The following MAP4 variants were observed in gnomAD, a reference collection of about 807,000 sequenced individuals.
MAP4 encodes microtubule associated protein 4, also known as microtubule-associated protein 4.
A neutral mutation model predicts 170.2 loss-of-function variants in MAP4; 76 were observed. The ratio of observed to expected loss-of-function variants is 0.45; its 90% CI spans 0.37 to 0.54. MAP4 has a LOEUF of 0.54. Ranked by LOEUF, MAP4 falls within the 20% of genes least tolerant of loss-of-function variation. The pLI is 0.00. For synonymous variants in MAP4, 909 were observed against 994.5 expected, an observed-to-expected ratio of 0.91 and a Z score of 1.62; for missense variants, 2,506 against 2,748.0, an observed-to-expected ratio of 0.91 and a Z score of 1.97.
chr3:48,019,548 C>T (rs2100109549), upstream of MAP4, among the ~76,000 whole-genome samples: 1 of 152,034 alleles, frequency 6.6e-6, no homozygotes, highest in African/African-American at 2.4e-5. Context: ...AATATTCATA[C>T]TTGATCAGCT....
chr3:48,064,323 C>T (rs903143687), intron 1 of MAP4, among the ~76,000 whole-genome samples: 4 of 152,168 alleles, frequency 2.6e-5, no homozygotes, highest in African/African-American at 9.7e-5. Flanking sequence ...CTGATATAAA[C>T]TGGCCTATCT....
chr3:47,917,175 C>A lies in MAP4; in HGVS notation c.653-1G>T, dbSNP rs1369398937. On this transcript the variant is annotated splice_acceptor_variant, in intron 6 of 20. Transcript: ENST00000683076. LOFTEE classifies it high-confidence loss of function. ...ATCTCCTTGGCTAGCTCTAAGGGAACTAAATTGGAAATTTAGGACACATCA... is the reference window on the plus strand; with the variant it reads ...ATCTCCTTGGCTAGCTCTAAGGGAAATAAATTGGAAATTTAGGACACATCA... The A allele has an allele frequency of 3.1e-6, 5 of 1,608,644 alleles. No individual in the cohort carries two copies. The highest frequency in any genetic ancestry group is 4.2e-6 in the Non-Finnish European group (5 of 1,177,710).
chr3:48,062,109 G>A (rs1238875648), intron 1 of MAP4, among the ~76,000 whole-genome samples: 1 of 152,202 alleles, frequency 6.6e-6, no homozygotes, highest in African/African-American at 2.4e-5. Flanking sequence ...CTGTGTCTGT[G>A]TGGAGAGAAG....
chr3:47,922,013 T>C, intron 4 of MAP4, 135 bp from the exon 5 acceptor site: 2 of 561,252 alleles, frequency 3.6e-6, no homozygotes, highest in South Asian at 2.5e-5. Flanking sequence ...AGTGGTGCCA[T>C]CTTGGTTCAC....
intron 10 of MAP4, chr3:47,892,206 C>T: frequency 6.5e-7 from 1 of 1,536,390 alleles, no homozygotes; most frequent in Non-Finnish European, 8.7e-7. Flanking sequence ...TCTTGACAGT[C>T]CTTGTCCTGC....
Position 47,998,830 on chromosome 3 carries a change from T to C in MAP4, c.31A>G (p.Thr11Ala). 1 of 1,614,180 alleles carries C rather than the reference T, an allele frequency of 6.2e-7. No individual in the cohort carries two copies. Among genetic ancestry groups the C allele is most frequent in the South Asian group, 1.1e-5 (1 of 91,090 alleles). The change falls in exon 2 of 21, where the codon ACA (threonine) becomes GCA (alanine). Residue 11 changes from threonine to alanine, a missense_variant. Physicochemically the swap from Thr to Ala is moderately conservative, Grantham distance 58. Coordinates refer to ENST00000683076, the MANE Select transcript of MAP4 (RefSeq NM_001385682.1). MADLSLADAL[T>A]EPSPDIEGEI... ...CCCTCAATGTCTGGAGATGGTTCTG[T>C]TAATGCATCTGCAAGACTGAGGTCA...
At chr3:47,946,151 G>A (rs1263731631) in intron 3 of MAP4, among the ~76,000 whole-genome samples, 1 of 149,008 alleles carries the variant, frequency 6.7e-6, no homozygotes, top group African/African-American at 2.5e-5. Flanking sequence ...CACCATGTTA[G>A]CCAGGATGGT....
intron 1 of MAP4, among the ~76,000 whole-genome samples, chr3:48,061,768 C>T (rs1579701458): frequency 1.3e-5 from 2 of 150,688 alleles, no homozygotes; most frequent in South Asian, 4.2e-4. Flanking sequence ...CCCGCCCGGC[C>T]AGCCGCCCCG....
upstream of MAP4, among the ~76,000 whole-genome samples, chr3:48,016,774 A>C (rs1035894056): frequency 2.3e-5 from 3 of 131,880 alleles, no homozygotes; most frequent in African/African-American, 7.9e-5. Context: ...CACATTCTAA[A>C]GGCATTTTTT....
intron 10 of MAP4, among the ~76,000 whole-genome samples, chr3:47,883,762 GGCACTTGAAAAATGTTGT>G (rs1454178388): frequency 6.6e-6 from 1 of 151,072 alleles, no homozygotes; most frequent in Non-Finnish European, 1.5e-5. Context: ...CTTTTCTTTT[GGCACTTGAAAAATGTTGT>G]GCCACTTCTT....
intron 10 of MAP4, among the ~76,000 whole-genome samples, chr3:47,878,049 C>T (rs1433885157): frequency 2.0e-5 from 3 of 152,162 alleles, no homozygotes; most frequent in Non-Finnish European, 4.4e-5. Context: ...GCCAAGGAGA[C>T]CCATGGAACC....
chr3:48,022,282 T>G (rs1257528522), intron 1 of MAP4, among the ~76,000 whole-genome samples: 1 of 151,242 alleles, frequency 6.6e-6, no homozygotes, highest in Admixed American at 6.6e-5. Flanking sequence ...ATGGAGAGAG[T>G]AGAGAGACAG....
At chr3:47,994,322 A>T (rs1301187736) in intron 2 of MAP4, among the ~76,000 whole-genome samples, 1 of 152,218 alleles carries the variant, frequency 6.6e-6, no homozygotes, top group Non-Finnish European at 1.5e-5. Context: ...ACTGACTAAC[A>T]TAAACAAAGA....
At chr3:47,973,671 T>TA (rs1333735114) in intron 3 of MAP4, 1 of 985,246 alleles carries the variant, frequency 1.0e-6, no homozygotes, top group Non-Finnish European at 1.2e-6. Flanking sequence ...CGGAAAGTCA[T>TA]ACCCAGGCTT....
chr3:48,048,221 C>T (rs894610815), intron 1 of MAP4, among the ~76,000 whole-genome samples: 3 of 152,196 alleles, frequency 2.0e-5, no homozygotes, highest in Non-Finnish European at 4.4e-5. Flanking sequence ...AGAGCTCCTC[C>T]TGATGCTGTA....
chr3:47,871,019 C>T lies in MAP4; in HGVS notation c.6088G>A (p.Val2030Ile). 1 of 1,614,028 alleles carries T rather than the reference C, an allele frequency of 6.2e-7. No homozygotes were observed. ...GGTGTGGCCTTGACTCGGCTGGGAA[C>T]CACCCCTGCAGCGGGGGCTGTCCCA... ...LSGTAPAAGV[V>I]PSRVKATPMP... Residue 2030 changes from valine (V) to isoleucine (I), a missense_variant, in exon 15 of 21, where the codon GTT becomes ATT. Coordinates refer to ENST00000683076, the MANE Select transcript of MAP4 (RefSeq NM_001385682.1).
chr3:48,056,667 G>T (rs2100131944), intron 1 of MAP4, among the ~76,000 whole-genome samples: 1 of 124,184 alleles, frequency 8.1e-6, no homozygotes, highest in African/African-American at 3.6e-5. Context: ...AGGGAGGTGG[G>T]GGGGTCAGCC....
At chr3:47,937,647 T>TTTC (rs1400745946) in intron 3 of MAP4, among the ~76,000 whole-genome samples, 15 of 147,748 alleles carry the variant, frequency 1.0e-4, no homozygotes, top group Non-Finnish European at 1.6e-4. Context: ...GCTTTTCCTT[T>TTTC]TTCTTCTTCT....
chr3:47,908,212 T>C (rs562349805), intron 9 of MAP4, among the ~76,000 whole-genome samples: 158 of 150,504 alleles, frequency 1.0e-3, no homozygotes, highest in Non-Finnish European at 1.8e-3. Flanking sequence ...TTTTGGGGAA[T>C]TGGGGGTGGG....
Sources: gnomAD v4.1 joint callset for allele counts (sites outside exome capture counted in the v4.1 genomes callset) on GRCh38, gnomAD v4.1.1 for gene constraint, MANE v1.5 for transcripts, NCBI Gene and HGNC (gene_info 2026-07-23, HGNC 2026-07-21) for gene names.